The following STXBP5L variants were observed in gnomAD, a reference collection of about 807,000 sequenced individuals.
STXBP5L encodes syntaxin-binding protein 5-like.
A neutral mutation model predicts 144.5 loss-of-function variants in STXBP5L; 65 were observed. That is an observed-to-expected ratio of 0.45 (90% confidence interval 0.37 to 0.55). The LOEUF is 0.55. Among genes scored for constraint, STXBP5L ranks in the 20% least tolerant of loss-of-function variants. The probability of loss-of-function intolerance (pLI) is 0.00; values close to 1 mark genes in which losing one functional copy is unlikely to be tolerated. For missense variants in STXBP5L, 1,298 were observed against 1,405.5 expected, an observed-to-expected ratio of 0.92 and a Z score of 1.22; for synonymous variants, 505 against 469.6, an observed-to-expected ratio of 1.08 and a Z score of -0.97.
At chr3:120,995,886 C>T (rs966198134) in intron 3 of STXBP5L, among the ~76,000 whole-genome samples, 1 of 152,042 alleles carries the variant, frequency 6.6e-6, no homozygotes, top group African/African-American at 2.4e-5. Flanking sequence ...GACTTCTTTT[C>T]TTATCATTTC....
chr3:121,418,870 A>C (rs552527514), intron 26 of STXBP5L, among the ~76,000 whole-genome samples, 186 bp from the exon 27 acceptor site: 2 of 152,138 alleles, frequency 1.3e-5, no homozygotes, highest in Non-Finnish European at 1.5e-5. Context: ...CTATCAGCTG[A>C]GTCTTTACAG....
At chr3:121,082,352 T>C (rs968796786) in intron 5 of STXBP5L, among the ~76,000 whole-genome samples, 1 of 152,160 alleles carries the variant, frequency 6.6e-6, no homozygotes, top group African/African-American at 2.4e-5. Flanking sequence ...TACCTATGTA[T>C]TTTTTTGATT....
rs1251682526 is a variant in STXBP5L, at chr3:121,157,510, C to A, written c.760C>A (p.His254Asn). 1 of 1,580,484 alleles carries A rather than the reference C, an allele frequency of 6.3e-7. No individual in the cohort carries two copies. The highest frequency in any genetic ancestry group is 8.6e-7 in the Non-Finnish European group (1 of 1,168,336). ...TTAATTGTTATTTTATTAGGCTATTCATTCAATTGATTGGCATCATGAGGG... is the reference window on the plus strand; with the variant it reads ...TTAATTGTTATTTTATTAGGCTATTAATTCAATTGATTGGCATCATGAGGG... ...ELRVYYDEAI[H>N]SIDWHHEGKQ... Residue 254 changes from histidine to asparagine, a missense_variant, in exon 9 of 27, where the codon CAT (histidine) becomes AAT (asparagine). Physicochemically the swap from His to Asn is moderately conservative, Grantham distance 68 (BLOSUM62 1). Transcript: ENST00000471454.
intron 3 of STXBP5L, among the ~76,000 whole-genome samples, chr3:120,963,493 T>A (rs2107751254): frequency 6.6e-6 from 1 of 152,246 alleles, no homozygotes; most frequent in Middle Eastern, 3.4e-3. Flanking sequence ...GGGTGTTGAG[T>A]TTTGTCAAAG....
intron 9 of STXBP5L, among the ~76,000 whole-genome samples, chr3:121,180,703 C>T (rs537279392): frequency 2.7e-3 from 407 of 152,208 alleles, no homozygotes; most frequent in Non-Finnish European, 4.3e-3. Context: ...GGTGAAACCC[C>T]GTCTCTACTG....
At position 121,239,075 on chromosome 3, in the gene STXBP5L, A is replaced by C. The variant is rs1392893815; in HGVS notation, c.1289A>C (p.Tyr430Ser). The change falls in exon 13 of 27, where the codon TAT becomes TCT. Residue 430 changes from tyrosine to serine, a missense_variant. Physicochemically the swap from Tyr to Ser is moderately radical, Grantham distance 144. Coordinates refer to ENST00000471454, the MANE Select transcript of STXBP5L (RefSeq NM_001308330.2). Reference sequence around the variant, plus strand: ...CCTCCGGATTTGATTCTAGTACTGTATTCTATAGGAGTCAAGCATAAAAAA... The same window carrying C: ...CCTCCGGATTTGATTCTAGTACTGTCTTCTATAGGAGTCAAGCATAAAAAA... ...DCPPDLILVL[Y>S]SIGVKHKKQG... is the part of the protein sequence containing the mutation. 2 of 1,605,912 alleles carry C rather than the reference A, an allele frequency of 1.2e-6. No homozygotes were observed.
At chr3:121,191,631 T>G (rs976175750) in intron 9 of STXBP5L, among the ~76,000 whole-genome samples, 3 of 152,120 alleles carry the variant, frequency 2.0e-5, no homozygotes, top group African/African-American at 4.8e-5. Context: ...TGGCATTGAT[T>G]TTCACAATAT....
intron 22 of STXBP5L, among the ~76,000 whole-genome samples, chr3:121,405,261 A>G (rs1424854786): frequency 6.6e-6 from 1 of 152,062 alleles, no homozygotes; most frequent in East Asian, 1.9e-4. Context: ...CTATAACACT[A>G]TTTAAAATTT....
At chr3:121,322,732 G>A (rs2044017975) in intron 20 of STXBP5L, among the ~76,000 whole-genome samples, 1 of 152,034 alleles carries the variant, frequency 6.6e-6, no homozygotes, top group Non-Finnish European at 1.5e-5. Flanking sequence ...GGGATTGCTA[G>A]GCTGAATAGT....
intron 9 of STXBP5L, among the ~76,000 whole-genome samples, chr3:121,189,497 G>A (rs940651526): frequency 7.2e-5 from 11 of 152,140 alleles, no homozygotes; most frequent in Non-Finnish European, 1.6e-4. Context: ...CTCATTTCTT[G>A]CTTTTGTCAG....
At chr3:121,319,958 G>C (rs6784156) in intron 20 of STXBP5L, among the ~76,000 whole-genome samples, 119,613 of 152,014 alleles carry the variant, frequency 0.79, 47,288 homozygotes, top group East Asian at 0.93. Flanking sequence ...TCTCATTAAA[G>C]ATGATAATAA....
chr3:121,089,969 G>C (rs1286200221), intron 5 of STXBP5L, among the ~76,000 whole-genome samples: 1 of 151,542 alleles, frequency 6.6e-6, no homozygotes. Context: ...ATTTTTATTT[G>C]TTTCATATGT....
At chr3:121,028,574 A>G (rs1383099027) in intron 3 of STXBP5L, among the ~76,000 whole-genome samples, 3 of 152,108 alleles carry the variant, frequency 2.0e-5, no homozygotes, top group African/African-American at 7.2e-5. Flanking sequence ...TTCTAAGGAG[A>G]TCTTTTAGAA....
chr3:121,175,900 A>C (rs1431261685), intron 9 of STXBP5L, among the ~76,000 whole-genome samples: 3 of 152,022 alleles, frequency 2.0e-5, no homozygotes, highest in African/African-American at 7.2e-5. Context: ...ACCAAAAGAA[A>C]GCTAGTGTAG....
intron 19 of STXBP5L, among the ~76,000 whole-genome samples, chr3:121,285,118 G>A (rs2051185510): frequency 6.6e-6 from 1 of 151,920 alleles, no homozygotes; most frequent in African/African-American, 2.4e-5. Flanking sequence ...TATATGCATT[G>A]TTCATATTTG....
intron 3 of STXBP5L, among the ~76,000 whole-genome samples, chr3:121,005,702 T>A (rs1253193883): frequency 6.6e-6 from 1 of 152,204 alleles, no homozygotes; most frequent in Admixed American, 6.5e-5. Flanking sequence ...GCTATAAATT[T>A]CCCTCTACAC....
chr3:120,999,812 G>A (rs1246899844), intron 3 of STXBP5L, among the ~76,000 whole-genome samples: 1 of 151,960 alleles, frequency 6.6e-6, no homozygotes, highest in Non-Finnish European at 1.5e-5. Flanking sequence ...GAAAAATATT[G>A]CATTTCTCCT....
chr3:121,351,382 T>G lies in STXBP5L; in HGVS notation c.2177-27334T>G, dbSNP rs543834246. 2.6e-5 allele frequency among the ~76,000 whole-genome samples: 4 copies of G among 152,186 alleles called. No homozygotes were observed. The South Asian group carries it at 8.3e-4, about 32-fold the overall frequency. On this transcript the variant is annotated intron_variant, in intron 20 of 26. Coordinates refer to ENST00000471454, the MANE Select transcript of STXBP5L (RefSeq NM_001308330.2). ...CAGTCTGCCCCTAATGGGGGGTGCC[T>G]CCCAGTTAGGCTACTCAGGGGTTAG...
At chr3:121,003,913 C>T (rs998480627) in intron 3 of STXBP5L, among the ~76,000 whole-genome samples, 22 of 151,742 alleles carry the variant, frequency 1.4e-4, no homozygotes, top group African/African-American at 5.1e-4. Context: ...TTGGTCTACT[C>T]TGTTTTGGTA....
Sources: gnomAD v4.1 joint callset for allele counts (sites outside exome capture counted in the v4.1 genomes callset) on GRCh38, gnomAD v4.1.1 for gene constraint, MANE v1.5 for transcripts, NCBI Gene and HGNC (gene_info 2026-07-23, HGNC 2026-07-21) for gene names.